Variants in ANKRD55 observed in about 807,000 individuals in gnomAD.
The protein encoded by ANKRD55 is ankyrin repeat domain 55.
Under a neutral mutation model 60.6 loss-of-function variants are expected in ANKRD55, and 41 were observed. The ratio of observed to expected loss-of-function variants is 0.68; its 90% confidence interval spans 0.53 to 0.88. The LOEUF is 0.88. ANKRD55 is among the 40% of genes least tolerant of loss of function. The pLI is 0.00. For missense variants in ANKRD55, 732 were observed against 767.6 expected, an observed-to-expected ratio of 0.95 and a Z score of 0.55; for synonymous variants, 264 against 290.3, an observed-to-expected ratio of 0.91 and a Z score of 0.92.
intron 6 of ANKRD55, among the ~76,000 whole-genome samples, chr5:56,148,452 T>A (rs1757953696): frequency 6.6e-6 from 1 of 152,110 alleles, no homozygotes; most frequent in Admixed American, 6.5e-5. Context: ...CTCCAGAATG[T>A]TTTGAGGGGA....
rs992779309 is a variant in ANKRD55, at chr5:56,143,819, A to C, written c.594T>G (p.Ala198=). ...PTLVDKDFKT[A]LHWAVQSGNR... ...TTCTCACCTGGACTGCCCAGTGGAGAGCGGTTTTAAAGTCTTTATCCACAA... is the reference window on the plus strand; with the variant it reads ...TTCTCACCTGGACTGCCCAGTGGAGCGCGGTTTTAAAGTCTTTATCCACAA... Residue 198 remains alanine, a synonymous_variant, in exon 7 of 12, where the codon GCT becomes GCG. Coordinates refer to ENST00000341048, the MANE Select transcript of ANKRD55 (RefSeq NM_024669.3). 1 of 1,613,996 alleles carries C rather than the reference A, an allele frequency of 6.2e-7. No homozygotes were observed. The highest frequency in any genetic ancestry group is 8.5e-7 in the Non-Finnish European group (1 of 1,180,012).
At chr5:56,210,164 C>T (rs2441118) in intron 2 of ANKRD55, among the ~76,000 whole-genome samples, 49,612 of 151,858 alleles carry the variant, frequency 0.33, 9,680 homozygotes, top group African/African-American at 0.54. Flanking sequence ...TGTGCCACCA[C>T]CCCCGAAATG....
intron 6 of ANKRD55, among the ~76,000 whole-genome samples, chr5:56,150,941 A>C (rs1489227561): frequency 3.3e-5 from 5 of 152,230 alleles, no homozygotes; most frequent in Non-Finnish European, 7.3e-5. Flanking sequence ...GCTGTATTTT[A>C]ATATTTTGAT....
At chr5:56,233,007 C>A in intron 1 of ANKRD55, 61 bp from the exon 2 acceptor site, 1 of 1,210,168 alleles carries the variant, frequency 8.3e-7, no homozygotes, top group Non-Finnish European at 1.2e-6. Flanking sequence ...GAGGCAGCAT[C>A]GTTTGCCAAG....
At position 56,126,636 on chromosome 5, in the gene ANKRD55, C is replaced by A. The variant is rs1192613586; in HGVS notation, c.797+286G>T. 2.6e-5 allele frequency among the ~76,000 whole-genome samples: 4 copies of A among 151,720 alleles called. 1 individual carries two copies. The East Asian group carries it at 7.7e-4, about 29-fold the overall frequency. On this transcript the variant is annotated intron_variant, in intron 8 of 11. Transcript: ENST00000341048. ...AACCTACCTTTAGGAACAAAGAGGG[C>A]ACATAGCAGGAAGCTGAAATACAGA...
intron 7 of ANKRD55, 95 bp downstream of exon 7, chr5:56,143,706 A>G (rs1362951904): frequency 1.4e-5 from 22 of 1,541,136 alleles, no homozygotes; most frequent in Non-Finnish European, 2.0e-5. Flanking sequence ...TCAAGAGCTG[A>G]AACCTCCATC....
Position 56,100,069 on chromosome 5 carries a change from C to T in ANKRD55, c.*114G>A. ...GAATTTCGAGTTATAAAACTGATGG[C>T]TTATAGAATGCAGCTTACTAAATTG... On this transcript the variant is annotated 3_prime_UTR_variant, in exon 12 of 12. Transcript: ENST00000341048. 1 of 1,384,926 alleles carries T rather than the reference C, an allele frequency of 7.2e-7. No homozygotes were observed. Among genetic ancestry groups the T allele is most frequent in the Non-Finnish European group, 1.0e-6 (1 of 992,052 alleles). 85.8% of individuals were successfully genotyped at this position (1,384,926 alleles called of 1,614,324 possible). A position where few individuals can be genotyped will look rare whatever the true frequency, so the allele number is the denominator to read the frequency against.
Position 56,152,873 on chromosome 5 carries a change from T to A in ANKRD55, c.483+6960A>T, listed in dbSNP as rs1220060428. ...AATTTAACATAACATAATCCAGTTC[T>A]TGGGGTAGAGAAGGCCTTCTTTAAA... On this transcript the variant is annotated intron_variant, in intron 6 of 11. Coordinates refer to ENST00000341048, the MANE Select transcript of ANKRD55 (RefSeq NM_024669.3). Among the ~76,000 whole-genome samples the A allele has an allele frequency of 2.0e-5, 3 of 152,014 alleles. No individual in the cohort carries two copies. The East Asian group carries it at 5.8e-4, about 29-fold the overall frequency.
intron 2 of ANKRD55, among the ~76,000 whole-genome samples, chr5:56,199,993 T>C (rs1759328645): frequency 6.6e-6 from 1 of 152,072 alleles, no homozygotes. Context: ...TTAATTGTAA[T>C]ATGTATATAT....
chr5:56,123,967 C>T (rs979142501), intron 8 of ANKRD55, among the ~76,000 whole-genome samples: 7 of 152,140 alleles, frequency 4.6e-5, no homozygotes, highest in Admixed American at 1.3e-4. Context: ...AGGAATTCAG[C>T]AGAGACAAGA....
intron 8 of ANKRD55, among the ~76,000 whole-genome samples, chr5:56,118,630 T>TA (rs1756947650): frequency 6.7e-6 from 1 of 149,150 alleles, no homozygotes; most frequent in South Asian, 2.1e-4. Context: ...TCTCAAAAAA[T>TA]AAATAAAATA....
chr5:56,215,677 CAT>C (rs1475167558), intron 2 of ANKRD55, among the ~76,000 whole-genome samples: 1 of 152,202 alleles, frequency 6.6e-6, no homozygotes, highest in East Asian at 1.9e-4. Flanking sequence ...CCTGAGTTAA[CAT>C]GACAGCCTTG....
intron 7 of ANKRD55, chr5:56,127,712 G>A (rs1757311753): frequency 2.8e-6 from 1 of 355,206 alleles, no homozygotes; most frequent in Non-Finnish European, 3.9e-6. Context: ...AAAAGATAAA[G>A]TGAGAATTTC....
chr5:56,151,843 G>A (rs1449827957), intron 6 of ANKRD55, among the ~76,000 whole-genome samples: 1 of 147,734 alleles, frequency 6.8e-6, no homozygotes, highest in Non-Finnish European at 1.5e-5. Context: ...ATATATATGT[G>A]TGTGTGTATA....
chr5:56,207,738 G>T (rs577036784), intron 2 of ANKRD55, among the ~76,000 whole-genome samples: 1 of 152,168 alleles, frequency 6.6e-6, no homozygotes, highest in African/African-American at 2.4e-5. Flanking sequence ...CTTGCAGGAC[G>T]GGATGTTGCT....
chr5:56,182,007 G>A (rs1758859320), intron 3 of ANKRD55, among the ~76,000 whole-genome samples: 1 of 152,094 alleles, frequency 6.6e-6, no homozygotes, highest in African/African-American at 2.4e-5. Context: ...ATCGTCTTTG[G>A]TTTTGATAGT....
At chr5:56,170,149 C>T (rs557828494) in intron 5 of ANKRD55, among the ~76,000 whole-genome samples, 1 of 152,320 alleles carries the variant, frequency 6.6e-6, no homozygotes, top group South Asian at 2.1e-4. Context: ...CCTCCCAGCT[C>T]CTAGAGGCTG....
At chr5:56,160,058 A>C (rs1310926338) in intron 5 of ANKRD55, among the ~76,000 whole-genome samples, 165 bp from the exon 6 acceptor site, 1 of 152,098 alleles carries the variant, frequency 6.6e-6, no homozygotes, top group Non-Finnish European at 1.5e-5. Context: ...GAAAAGAAGC[A>C]AGAGTGTGAT....
intron 2 of ANKRD55, among the ~76,000 whole-genome samples, chr5:56,201,206 G>A (rs929289961): frequency 6.6e-6 from 1 of 152,130 alleles, no homozygotes; most frequent in African/African-American, 2.4e-5. Flanking sequence ...CATTCTTAGG[G>A]GTACCCAGAA....
Sources: gnomAD v4.1 joint callset for allele counts (sites outside exome capture counted in the v4.1 genomes callset) on GRCh38, gnomAD v4.1.1 for gene constraint, MANE v1.5 for transcripts, NCBI Gene and HGNC (gene_info 2026-07-23, HGNC 2026-07-21) for gene names.